Variants in SEC14L1 observed in about 807,000 individuals in gnomAD.
SEC14L1 encodes the protein SEC14 like lipid binding 1.
SEC14L1 carries 48 observed loss-of-function variants against 85.3 expected under a neutral mutation model. The ratio of observed to expected loss-of-function variants is 0.56; its 90% CI spans 0.45 to 0.72. The LOEUF is 0.72. Ranked by LOEUF, SEC14L1 falls within the 30% of genes least tolerant of loss-of-function variation. The pLI, the probability that SEC14L1 is intolerant of heterozygous loss-of-function variation, is 0.00. For synonymous variants in SEC14L1, 391 were observed against 355.5 expected, an observed-to-expected ratio of 1.10 and a Z score of -1.12; for missense variants, 682 against 921.4, an observed-to-expected ratio of 0.74 and a Z score of 3.36.
intron 3 of SEC14L1, chr17:77,128,219 GGTT>G (rs960373457): frequency 2.0e-5 from 3 of 152,144 alleles, no homozygotes; most frequent in Non-Finnish European, 2.9e-5. Flanking sequence ...GCGTCAGCGT[GGTT>G]GTTCCTTCCT....
Position 77,213,942 on chromosome 17 carries a change from C to T in SEC14L1, c.2067C>T (p.Ser689=), listed in dbSNP as rs1976908556. 1.9e-6 allele frequency: 3 copies of T among 1,613,538 alleles called. No homozygotes were observed. In the African/African-American group the frequency reaches 4.0e-5, roughly 22 times the overall value. The change falls in exon 17 of 17, where the codon TCC becomes TCT. Residue 689 remains serine (S), a synonymous_variant. Coordinates refer to ENST00000436233, the MANE Select transcript of SEC14L1 (RefSeq NM_001143998.2). This position sits in a 1 kb window ranked among gnomAD's most constrained non-coding sequence, Gnocchi z 7.1. ...DFRGSMTSLE[S]SHSGFSQLSA... ...GAGGTTCCATGACGAGCCTGGAGTC[C>T]AGCCACAGCGGCTTCTCCCAGCTGA...
At chr17:77,211,261 T>G (rs7218309) in intron 14 of SEC14L1, 4,940 of 152,630 alleles carry the variant, frequency 0.032, 271 homozygotes, top group African/African-American at 0.11. Flanking sequence ...GAGTTTTCAG[T>G]GACTGCAGAA....
chr17:77,181,903 C>T (rs1413626685), intron 3 of SEC14L1, among the ~76,000 whole-genome samples: 1 of 150,306 alleles, frequency 6.7e-6, no homozygotes, highest in Non-Finnish European at 1.5e-5. Flanking sequence ...GCCACGTTTT[C>T]TTTCTTTTTT....
chr17:77,117,183 A>G (rs1972189285), intron 3 of SEC14L1, among the ~76,000 whole-genome samples: 1 of 152,136 alleles, frequency 6.6e-6, no homozygotes, highest in African/African-American at 2.4e-5. Context: ...CCCTGTCTCT[A>G]CTAAAAATAC....
chr17:77,105,109 C>T (rs972280582), intron 3 of SEC14L1, among the ~76,000 whole-genome samples: 30 of 152,076 alleles, frequency 2.0e-4, no homozygotes, highest in African/African-American at 5.6e-4. Context: ...AGAAGGCGAT[C>T]GGATATGCAT....
upstream of SEC14L1, among the ~76,000 whole-genome samples, chr17:77,139,515 T>TGG (rs1387030771): frequency 5.8e-4 from 45 of 77,614 alleles, no homozygotes; most frequent in Admixed American, 1.1e-3. Context: ...TTTTTTTTTT[T>TGG]GGGACGGAGT....
chr17:77,099,910 G>T (rs1427646321), intron 3 of SEC14L1, among the ~76,000 whole-genome samples: 3 of 151,154 alleles, frequency 2.0e-5, no homozygotes, highest in Admixed American at 6.6e-5. Flanking sequence ...GTTTTTTGTT[G>T]TTTTTTTTTA....
At chr17:77,089,473 T>C (rs1166564452) in intron 2 of SEC14L1, 1 of 518,568 alleles carries the variant, frequency 1.9e-6, no homozygotes, top group Non-Finnish European at 3.9e-6. Context: ...TTGATGATCA[T>C]GTATGATACT....
At chr17:77,209,140 A>G (rs1458257064) in intron 13 of SEC14L1, among the ~76,000 whole-genome samples, 1 of 152,236 alleles carries the variant, frequency 6.6e-6, no homozygotes, top group Non-Finnish European at 1.5e-5. Flanking sequence ...CCGTTTATGC[A>G]GAGTAAAACA....
chr17:77,181,506 G>A (rs1029069559), intron 3 of SEC14L1, among the ~76,000 whole-genome samples: 3 of 152,198 alleles, frequency 2.0e-5, no homozygotes, highest in Non-Finnish European at 2.9e-5. Flanking sequence ...TCCGCCTCCC[G>A]GATTCAAGTG....
At chr17:77,178,720 G>C (rs1974869498) in intron 3 of SEC14L1, among the ~76,000 whole-genome samples, 1 of 152,216 alleles carries the variant, frequency 6.6e-6, no homozygotes, top group Non-Finnish European at 1.5e-5. Context: ...GTTCACAATA[G>C]GGCTCTCACT....
intron 10 of SEC14L1, among the ~76,000 whole-genome samples, chr17:77,204,714 G>C (rs1976376945): frequency 6.6e-6 from 1 of 151,908 alleles, no homozygotes; most frequent in South Asian, 2.1e-4. Flanking sequence ...ACTGAGCCTG[G>C]CTCACTGTTG....
In SEC14L1 at chr17:77,213,277, G is replaced by A. The variant is rs751233521; in HGVS notation, c.1864-37G>A. The A allele has an allele frequency of 1.5e-5, 23 of 1,563,364 alleles. No homozygotes were observed. Among genetic ancestry groups the A allele is most frequent in the Admixed American group, 5.3e-5 (3 of 56,082 alleles). ...CTGTGGTAGGCCAGGGGTCGGAAGC[G>A]AGTCGCCCTCAGCTGCCACTGCCCT... On this transcript the variant is annotated intron_variant, in intron 15 of 16. Transcript: ENST00000436233. The surrounding 1 kb of genome is among the most constrained non-coding windows in gnomAD (Gnocchi z 7.1).
chr17:77,118,667 C>T (rs567578812), intron 3 of SEC14L1, among the ~76,000 whole-genome samples: 29 of 152,208 alleles, frequency 1.9e-4, no homozygotes, highest in Non-Finnish European at 7.3e-5. Flanking sequence ...CATGCTTTTT[C>T]TAAGTCAAGG....
intron 3 of SEC14L1, among the ~76,000 whole-genome samples, chr17:77,125,608 G>A (rs958629457): frequency 6.6e-6 from 1 of 152,134 alleles, no homozygotes; most frequent in Non-Finnish European, 1.5e-5. Context: ...GCTATACCGG[G>A]ACCATATGGA....
At chr17:77,181,092 C>T (rs1276366812) in intron 3 of SEC14L1, 1 of 152,104 alleles carries the variant, frequency 6.6e-6, no homozygotes, top group African/African-American at 2.4e-5. Flanking sequence ...TGAAGCTGTT[C>T]ATGGAATGAC....
At chr17:77,208,124 G>A (rs1201022962) in intron 13 of SEC14L1, among the ~76,000 whole-genome samples, 1 of 152,178 alleles carries the variant, frequency 6.6e-6, no homozygotes, top group East Asian at 1.9e-4. Context: ...TAATGAATTG[G>A]ACATTCAGGG....
At chr17:77,175,200 C>G (rs1974696065) in intron 3 of SEC14L1, among the ~76,000 whole-genome samples, 1 of 152,194 alleles carries the variant, frequency 6.6e-6, no homozygotes, top group Non-Finnish European at 1.5e-5. Flanking sequence ...AGGAATTCAT[C>G]ATCTCTGGCG....
At chr17:77,184,857 TTAC>T (rs1567916346) in intron 3 of SEC14L1, among the ~76,000 whole-genome samples, 1 of 152,226 alleles carries the variant, frequency 6.6e-6, no homozygotes, top group South Asian at 2.1e-4. Flanking sequence ...CAGGGCCTGC[TTAC>T]ATACTTTGTA....
Sources: allele counts gnomAD v4.1 joint callset (sites outside exome capture counted in the v4.1 genomes callset), GRCh38; gene constraint gnomAD v4.1.1; non-coding constraint Gnocchi (gnomAD v3.1); transcripts MANE v1.5; gene names NCBI Gene and HGNC (gene_info 2026-07-23, HGNC 2026-07-21).